The following DAB1 variants were observed in gnomAD, a reference collection of about 807,000 sequenced individuals.
The protein encoded by DAB1 is disabled homolog 1.
DAB1 carries 15 observed loss-of-function variants against 64.6 expected under a neutral mutation model. That is an observed-to-expected ratio of 0.23 (90% CI 0.16 to 0.36). The LOEUF is 0.36. Among genes scored for constraint, DAB1 ranks in the 10% least tolerant of loss-of-function variants. DAB1 has a pLI of 1.00. For synonymous variants in DAB1, 235 were observed against 251.9 expected, an observed-to-expected ratio of 0.93 and a Z score of 0.64; for missense variants, 596 against 706.7, an observed-to-expected ratio of 0.84 and a Z score of 1.78.
rs1470431864 is a variant in DAB1, at chr1:57,273,549, GCCTGCCTTCCTT to G, written c.67+17403_67+17414del. Among the ~76,000 whole-genome samples, 249 of 75,530 alleles carry G rather than the reference GCCTGCCTTCCTT, an allele frequency of 3.3e-3. 1 individual carries two copies. Among genetic ancestry groups the G allele is most frequent in the South Asian group, 0.013 (21 of 1,650 alleles). The allele number at this position is 75,530 out of a possible 152,430, so 49.6% of individuals were successfully genotyped here. On this transcript the variant is annotated intron_variant, in intron 2 of 14. Transcript: ENST00000371236. Reference sequence around the variant, plus strand: ...TGCCTGCCTGCCTGCCTGCCTGCCTGCCTGCCTTCCTTCCTTCCTTCCTTCCTTCCTTCCTTC... The same window carrying G: ...TGCCTGCCTGCCTGCCTGCCTGCCTGCCTTCCTTCCTTCCTTCCTTCCTTC...
intron 4 of DAB1, among the ~76,000 whole-genome samples, chr1:57,117,680 A>G (rs1302840885): frequency 3.9e-5 from 6 of 152,186 alleles, no homozygotes; most frequent in African/African-American, 1.4e-4. Context: ...CTGCCAAGAC[A>G]ATGTAGCTCA....
chr1:57,083,638 T>G (rs908409551), intron 4 of DAB1, among the ~76,000 whole-genome samples: 1 of 152,174 alleles, frequency 6.6e-6, no homozygotes, highest in African/African-American at 2.4e-5. Flanking sequence ...AGACAGAAAC[T>G]TACAAAAAAG....
intron 6 of DAB1, among the ~76,000 whole-genome samples, chr1:57,715,182 T>C (rs773109730): frequency 2.8e-4 from 42 of 152,208 alleles, no homozygotes; most frequent in Non-Finnish European, 2.5e-4. Context: ...AAAAACCATA[T>C]GATTATTTCA....
At chr1:57,146,434 T>G (rs17454856) in intron 2 of DAB1, among the ~76,000 whole-genome samples, 10,857 of 152,276 alleles carry the variant, frequency 0.071, 573 homozygotes, top group East Asian at 0.24. Flanking sequence ...ACTTCAACTC[T>G]TGATTTCTCC....
chr1:57,376,979 C>T (rs780582696), intron 1 of DAB1, among the ~76,000 whole-genome samples: 10 of 152,090 alleles, frequency 6.6e-5, no homozygotes, highest in Non-Finnish European at 1.5e-4. Flanking sequence ...TTTAAAAGGC[C>T]GGCCACTGTC....
intron 2 of DAB1, among the ~76,000 whole-genome samples, chr1:57,207,686 C>CG (rs1457032786): frequency 6.6e-6 from 1 of 151,586 alleles, no homozygotes; most frequent in African/African-American, 2.4e-5. Context: ...CCTCGTGATC[C>CG]GCCCGCCTCG....
chr1:57,743,577 G>A (rs1437143834), intron 6 of DAB1, among the ~76,000 whole-genome samples: 1 of 152,222 alleles, frequency 6.6e-6, no homozygotes, highest in Non-Finnish European at 1.5e-5. Flanking sequence ...CCTTGACCGA[G>A]GTCATCCAGG....
intron 7 of DAB1, among the ~76,000 whole-genome samples, chr1:57,551,008 A>T (rs1031937669): frequency 6.6e-6 from 1 of 152,202 alleles, no homozygotes. Context: ...AGGAATCTGG[A>T]TATCTCAGGG....
chr1:57,283,850 C>T (rs1295290894), intron 2 of DAB1, among the ~76,000 whole-genome samples: 1 of 152,188 alleles, frequency 6.6e-6, no homozygotes, highest in African/African-American at 2.4e-5. Flanking sequence ...GGGGAGTGAC[C>T]ACTGACAAAT....
At chr1:57,924,103 T>G (rs1210194964) in intron 5 of DAB1, among the ~76,000 whole-genome samples, 3 of 152,208 alleles carry the variant, frequency 2.0e-5, no homozygotes, top group East Asian at 3.9e-4. Flanking sequence ...GCACTTTGAC[T>G]CCTCATAAAA....
intron 9 of DAB1, among the ~76,000 whole-genome samples, chr1:57,038,597 A>G (rs1447487338): frequency 1.3e-5 from 2 of 152,184 alleles, no homozygotes; most frequent in African/African-American, 4.8e-5. Context: ...TTTAGCAGCT[A>G]ATAGTCCTCC....
chr1:57,610,622 G>A (rs1312643646), intron 7 of DAB1, among the ~76,000 whole-genome samples: 5 of 152,204 alleles, frequency 3.3e-5, no homozygotes, highest in Non-Finnish European at 4.4e-5. Flanking sequence ...TCACATGGCT[G>A]GGAAGGCCTC....
At chr1:58,487,496 A>G (rs1645595339) in intron 3 of DAB1, among the ~76,000 whole-genome samples, 1 of 152,240 alleles carries the variant, frequency 6.6e-6, no homozygotes, top group South Asian at 2.1e-4. Context: ...CAGAAACTTA[A>G]TAACATACCT....
At chr1:57,205,123 A>G (rs967817968) in intron 2 of DAB1, among the ~76,000 whole-genome samples, 2 of 152,208 alleles carry the variant, frequency 1.3e-5, no homozygotes, top group African/African-American at 4.8e-5. Context: ...TTATTGCAGC[A>G]TTCCTGTTAT....
chr1:57,693,990 T>C (rs561205302), intron 6 of DAB1, among the ~76,000 whole-genome samples: 1 of 152,314 alleles, frequency 6.6e-6, no homozygotes, highest in South Asian at 2.1e-4. Context: ...ATTTTTGCTT[T>C]AGTTGCCTGT....
intron 7 of DAB1, among the ~76,000 whole-genome samples, chr1:57,492,868 C>A (rs1644181511): frequency 6.6e-6 from 1 of 152,144 alleles, no homozygotes; most frequent in South Asian, 2.1e-4. Flanking sequence ...ATGAAATAAT[C>A]ATCCCCCTTT....
Position 57,953,599 on chromosome 1 carries a change from G to A in DAB1, n.388-69437C>T, listed in dbSNP as rs72666185. ...TACACCCTTGTGCTGGACATCCTCC[G>A]TTTGCCCTTCCAGATTGCTTTTCCA... On this transcript the variant is annotated intron_variant and non_coding_transcript_variant, in intron 5 of 20. Transcript: ENST00000485760. 9.1e-3 allele frequency among the ~76,000 whole-genome samples: 1,384 copies of A among 152,226 alleles called. 9 individuals carry two copies. Among genetic ancestry groups the A allele is most frequent in the South Asian group, 0.024 (116 of 4,822 alleles).
intron 3 of DAB1, among the ~76,000 whole-genome samples, chr1:58,498,145 T>C (rs1224854467): frequency 6.6e-6 from 1 of 152,030 alleles, no homozygotes; most frequent in African/African-American, 2.4e-5. Flanking sequence ...CTGTTCAATA[T>C]CAGTGGGTGA....
intron 4 of DAB1, among the ~76,000 whole-genome samples, chr1:58,234,916 A>C (rs76145180): frequency 0.012 from 1,765 of 152,352 alleles, 34 homozygotes; most frequent in African/African-American, 0.04. Flanking sequence ...AAGAGAAAAC[A>C]GAGAAAGACA....
Sources: gnomAD v4.1 joint callset for allele counts (sites outside exome capture counted in the v4.1 genomes callset) on GRCh38, gnomAD v4.1.1 for gene constraint, MANE v1.5 for transcripts, NCBI Gene and HGNC (gene_info 2026-07-23, HGNC 2026-07-21) for gene names.